Variants in RAB11FIP3 observed in about 807,000 individuals in gnomAD.
RAB11FIP3 encodes rab11 family-interacting protein 3.
Under a neutral mutation model 77.8 loss-of-function variants are expected in RAB11FIP3, and 17 were observed. The observed-to-expected ratio is 0.22, with a 90% confidence interval of 0.15 to 0.33. The LOEUF (loss-of-function observed/expected upper bound fraction) is 0.33. RAB11FIP3 is among the 10% of genes least tolerant of loss of function. RAB11FIP3 has a pLI of 1.00. For missense variants in RAB11FIP3, 1,005 were observed against 1,011.2 expected (o/e 0.99, Z 0.08); for synonymous variants, 437 against 448.2 (o/e 0.98, Z 0.31).
At chr16:504,201 ACCCCCTCACCTCCTGTAC>A (rs2031706770) in intron 7 of RAB11FIP3, among the ~76,000 whole-genome samples, 1 of 27,544 alleles carries the variant, frequency 3.6e-5, no homozygotes, top group African/African-American at 2.8e-4. Context: ...CTCCTTGTGC[ACCCCCTCACCTCCTGTAC>A]CCCCTCACCT....
At chr16:512,113 A>C (rs2032206657) in intron 9 of RAB11FIP3, among the ~76,000 whole-genome samples, 1 of 152,238 alleles carries the variant, frequency 6.6e-6, no homozygotes, top group African/African-American at 2.4e-5. Flanking sequence ...AAGACTTTGA[A>C]ACTCTCCCAA....
Position 507,141 on chromosome 16 carries a change from C to T in RAB11FIP3, c.1499+1514C>T, listed in dbSNP as rs1391439849. 2.8e-5 allele frequency among the ~76,000 whole-genome samples: 4 copies of T among 143,980 alleles called. No individual in the cohort carries two copies. The highest frequency in any genetic ancestry group is 4.5e-5 in the Non-Finnish European group (3 of 66,780). The allele number at this position is 143,980 out of a possible 152,430, so 94.5% of individuals were successfully genotyped here. A position where few individuals can be genotyped will look rare whatever the true frequency, so the allele number is the denominator to read the frequency against. On this transcript the variant is annotated intron_variant, in intron 8 of 13. Coordinates refer to ENST00000262305, the MANE Select transcript of RAB11FIP3 (RefSeq NM_014700.4). The surrounding 1 kb of genome is among the most constrained non-coding windows in gnomAD (Gnocchi z 4.6). Reference sequence around the variant, plus strand: ...TTTTTTTTTTTTTTTGAGACGGGGTCTCTCTCTGTCTCCAGGCTGGAGTGC... The same window carrying T: ...TTTTTTTTTTTTTTTGAGACGGGGTTTCTCTCTGTCTCCAGGCTGGAGTGC...
At chr16:431,450 G>T (rs933843153) in intron 1 of RAB11FIP3, among the ~76,000 whole-genome samples, 1 of 151,270 alleles carries the variant, frequency 6.6e-6, no homozygotes, top group East Asian at 1.9e-4. Context: ...CACAATCTCA[G>T]TTCACTGCAA....
chr16:431,912 C>A (rs201878472), intron 1 of RAB11FIP3, among the ~76,000 whole-genome samples: 7 of 151,826 alleles, frequency 4.6e-5, no homozygotes, highest in African/African-American at 1.7e-4. Flanking sequence ...GCCCGCCACC[C>A]CTCCCGGCTA....
At chr16:455,014 C>T (rs1332465839) in intron 1 of RAB11FIP3, among the ~76,000 whole-genome samples, 5 of 147,522 alleles carry the variant, frequency 3.4e-5, no homozygotes, top group African/African-American at 1.0e-4. Context: ...TGCACTACTG[C>T]ACTCCAGCCT....
At chr16:478,981 T>C (rs1377144386) in intron 3 of RAB11FIP3, among the ~76,000 whole-genome samples, 1 of 151,550 alleles carries the variant, frequency 6.6e-6, no homozygotes, top group Non-Finnish European at 1.5e-5. Context: ...CAAGAACAAT[T>C]AGAAAAAGAA....
At chr16:427,061 G>C (rs1416641051) in intron 1 of RAB11FIP3, among the ~76,000 whole-genome samples, 1 of 151,922 alleles carries the variant, frequency 6.6e-6, no homozygotes, top group African/African-American at 2.4e-5. Flanking sequence ...CCTGATCGAC[G>C]TGCCCCTGAA....
At chr16:512,718 A>G (rs1350930796) in intron 9 of RAB11FIP3, among the ~76,000 whole-genome samples, 1 of 147,690 alleles carries the variant, frequency 6.8e-6, no homozygotes, top group Non-Finnish European at 1.5e-5. Flanking sequence ...TATTTTTTGT[A>G]TTTTTAGCAG....
chr16:429,325 A>C (rs1403142153), intron 1 of RAB11FIP3, among the ~76,000 whole-genome samples: 2 of 152,058 alleles, frequency 1.3e-5, no homozygotes, highest in African/African-American at 4.8e-5. Flanking sequence ...TCTTTTAAAG[A>C]CATTAATGAT....
At chr16:427,047 G>C (rs2054959755) in intron 1 of RAB11FIP3, among the ~76,000 whole-genome samples, 1 of 151,948 alleles carries the variant, frequency 6.6e-6, no homozygotes, top group African/African-American at 2.4e-5. Flanking sequence ...ACCCCCCCAG[G>C]GTGCCTGATC....
At chr16:490,488 A>G (rs1209389289) in intron 5 of RAB11FIP3, among the ~76,000 whole-genome samples, 3 of 152,084 alleles carry the variant, frequency 2.0e-5, no homozygotes, top group Admixed American at 6.5e-5. Context: ...TACAGGTATG[A>G]GCTACTACGC....
Position 514,002 on chromosome 16 carries a change from G to T in RAB11FIP3, c.1640+3202G>T, listed in dbSNP as rs530073248. 1.3e-5 allele frequency among the ~76,000 whole-genome samples: 2 copies of T among 152,248 alleles called. No individual in the cohort carries two copies. The highest frequency in any genetic ancestry group is 2.1e-4 in the South Asian group (1 of 4,834). On this transcript the variant is annotated intron_variant, in intron 9 of 13. Transcript: ENST00000262305. This position sits in a 1 kb window ranked among gnomAD's most constrained non-coding sequence, Gnocchi z 4.6. ...CTGGGGCTGAGGTTGGGGCACAGCC[G>T]TGTGGACATCCTGCCGCCTCTGTGT...
intron 6 of RAB11FIP3, among the ~76,000 whole-genome samples, chr16:501,251 C>T (rs76296982): frequency 2.6e-5 from 4 of 152,386 alleles, no homozygotes; most frequent in East Asian, 3.9e-4. Flanking sequence ...TGTTTGTATG[C>T]ATGACCTTGG....
intron 3 of RAB11FIP3, among the ~76,000 whole-genome samples, chr16:476,873 A>G (rs1281407238): frequency 4.6e-5 from 7 of 151,910 alleles, no homozygotes; most frequent in Non-Finnish European, 8.8e-5. Context: ...GGCAGATCAC[A>G]AGGTCAGGAG....
In RAB11FIP3 at chr16:510,648, T is replaced by C; in HGVS notation, c.1500-12T>C. 1 of 1,591,432 alleles carries C rather than the reference T, an allele frequency of 6.3e-7. No individual in the cohort carries two copies. Among genetic ancestry groups the C allele is most frequent in the Non-Finnish European group, 8.5e-7 (1 of 1,170,646 alleles). On this transcript the variant is annotated splice_polypyrimidine_tract_variant and intron_variant, in intron 8 of 13. Transcript: ENST00000262305. ...CCTGGAGACAGCTCAGCTCCTCCCTTTGCCTTTCAAGAGCAAACGCCCTGG... is the reference window on the plus strand; with the variant it reads ...CCTGGAGACAGCTCAGCTCCTCCCTCTGCCTTTCAAGAGCAAACGCCCTGG...
At chr16:447,278 C>T (rs1447927448) in intron 1 of RAB11FIP3, among the ~76,000 whole-genome samples, 1 of 152,060 alleles carries the variant, frequency 6.6e-6, no homozygotes, top group African/African-American at 2.4e-5. Flanking sequence ...GCACTCTAGC[C>T]TGGGCAGTAG....
chr16:429,601 G>A (rs1323411777), intron 1 of RAB11FIP3, among the ~76,000 whole-genome samples: 3 of 151,724 alleles, frequency 2.0e-5, no homozygotes, highest in Non-Finnish European at 4.4e-5. Context: ...CCGGGTTCAA[G>A]CGATTCTCCT....
intron 6 of RAB11FIP3, among the ~76,000 whole-genome samples, chr16:499,899 G>A (rs1161528775): frequency 6.7e-6 from 1 of 149,498 alleles, no homozygotes; most frequent in Non-Finnish European, 1.5e-5. Context: ...GTAAATATAT[G>A]TACACAAGAT....
intron 5 of RAB11FIP3, among the ~76,000 whole-genome samples, chr16:495,430 A>T (rs1005499764): frequency 6.6e-6 from 1 of 152,204 alleles, no homozygotes; most frequent in African/African-American, 2.4e-5. Context: ...CACTTGGCAG[A>T]GGCACCCCTA....
Sources: allele counts gnomAD v4.1 joint callset (sites outside exome capture counted in the v4.1 genomes callset), GRCh38; gene constraint gnomAD v4.1.1; non-coding constraint Gnocchi (gnomAD v3.1); transcripts MANE v1.5; gene names NCBI Gene and HGNC (gene_info 2026-07-23, HGNC 2026-07-21).